Variants in FDX1 observed in about 807,000 individuals in gnomAD.
FDX1 encodes the protein adrenodoxin, mitochondrial.
FDX1 carries 9 observed loss-of-function variants against 14.9 expected under a neutral mutation model. That is an observed-to-expected ratio of 0.60 (90% CI 0.36 to 1.05). FDX1 has a LOEUF of 1.05. FDX1 is among the 50% of genes least tolerant of loss of function. The probability of loss-of-function intolerance (pLI) is 0.01; values close to 1 mark genes in which losing one functional copy is unlikely to be tolerated. For missense variants in FDX1, 204 were observed against 237.2 expected (o/e 0.86, Z 0.92); for synonymous variants, 92 against 99.4 (o/e 0.93, Z 0.44).
chr11:110,446,342 G>A (rs372216611), intron 2 of FDX1, among the ~76,000 whole-genome samples: 29 of 152,276 alleles, frequency 1.9e-4, no homozygotes, highest in African/African-American at 6.0e-4. Context: ...GATGAACACC[G>A]TACTCCAAAC....
intron 1 of FDX1, among the ~76,000 whole-genome samples, chr11:110,432,786 G>A (rs998487804): frequency 6.6e-6 from 1 of 152,140 alleles, no homozygotes; most frequent in Admixed American, 6.5e-5. Context: ...TACATCTTCT[G>A]ACTCTTAGGT....
At chr11:110,444,685 C>T (rs781269032) in intron 2 of FDX1, among the ~76,000 whole-genome samples, 1,304 of 36,300 alleles carry the variant, frequency 0.036, 49 homozygotes, top group African/African-American at 0.1. Context: ...TATATATATA[C>T]ACGTATATAT....
At chr11:110,457,107 T>C (rs1474456062) in intron 3 of FDX1, 60 bp downstream of exon 3, 1 of 1,499,568 alleles carries the variant, frequency 6.7e-7, no homozygotes, top group Non-Finnish European at 9.2e-7. Flanking sequence ...TGTTGTATTA[T>C]GTTGTCTATG....
chr11:110,457,019 C>G lies in FDX1; in HGVS notation c.412C>G (p.Leu138Val). The change falls in exon 3 of 4, where the codon CTC becomes GTC. Residue 138 changes from leucine to valine, a missense_variant. Transcript: ENST00000260270. ...AATCACTGATGAGGAGAATGACATG[C>G]TCGATCTGGCATATGGACTAACAGA... ...DAITDEENDM[L>V]DLAYGLTDRS... The G allele has an allele frequency of 6.2e-7, 1 of 1,613,164 alleles. No homozygotes were observed. Among genetic ancestry groups the G allele is most frequent in the Non-Finnish European group, 8.5e-7 (1 of 1,179,338 alleles).
intron 2 of FDX1, among the ~76,000 whole-genome samples, chr11:110,443,999 C>T (rs1946422097): frequency 6.6e-6 from 1 of 151,654 alleles, no homozygotes; most frequent in Admixed American, 6.6e-5. Flanking sequence ...ATATTTTCTC[C>T]CACTCTGTAG....
intron 2 of FDX1, among the ~76,000 whole-genome samples, chr11:110,437,113 C>T (rs577747865): frequency 1.3e-5 from 2 of 152,226 alleles, no homozygotes; most frequent in South Asian, 2.1e-4. Flanking sequence ...CTCCTGACTC[C>T]GCCTCCTGAG....
chr11:110,434,327 C>G (rs1165370631), intron 1 of FDX1, among the ~76,000 whole-genome samples: 1 of 128,596 alleles, frequency 7.8e-6, no homozygotes, highest in Admixed American at 8.4e-5. Flanking sequence ...AAGCAATCGC[C>G]CTATTGATTT....
rs188080407 is a variant in FDX1, at chr11:110,440,323, T to G, written c.310+4365T>G. 3.3e-5 allele frequency among the ~76,000 whole-genome samples: 5 copies of G among 152,298 alleles called. No individual in the cohort carries two copies. The East Asian group carries it at 9.6e-4, about 29-fold the overall frequency. On this transcript the variant is annotated intron_variant, in intron 2 of 3. Transcript: ENST00000260270. ...TCTTCTGCTAGCTTTGGGTTTTTTG[T>G]TTTTCAAGTTCTTCTAGGTTAATTT...
intron 2 of FDX1, among the ~76,000 whole-genome samples, chr11:110,447,123 C>T (rs1028151374): frequency 2.0e-5 from 3 of 147,390 alleles, no homozygotes; most frequent in African/African-American, 5.0e-5. Flanking sequence ...TTGCAGTGAG[C>T]TGAGATTGCA....
At chr11:110,436,995 A>G (rs2134568763) in intron 2 of FDX1, among the ~76,000 whole-genome samples, 1 of 152,182 alleles carries the variant, frequency 6.6e-6, no homozygotes, top group East Asian at 1.9e-4. Context: ...TTTGCTGAAT[A>G]TCTTTTTAAA....
Position 110,430,188 on chromosome 11 carries a change from G to A in FDX1, c.68G>A (p.Arg23Gln), listed in dbSNP as rs986401811. The change falls in exon 1 of 4, where the codon CGG becomes CAG. Residue 23 changes from arginine to glutamine, a missense_variant. Arg to Gln is a conservative substitution (Grantham distance 43). Coordinates refer to ENST00000260270, the MANE Select transcript of FDX1 (RefSeq NM_004109.5). ...GCTGTCCTCGGCGGCCCGGCCGGCC[G>A]GTGGCTGCACCACGCTGGGTCCCGC... ...ASAVLGGPAG[R>Q]WLHHAGSRAG... 1 of 1,230,068 alleles carries A rather than the reference G, an allele frequency of 8.1e-7. No homozygotes were observed. The highest frequency in any genetic ancestry group is 1.0e-6 in the Non-Finnish European group (1 of 988,630). The allele number at this position is 1,230,068 out of a possible 1,614,324, so 76.2% of individuals were successfully genotyped here.
intron 1 of FDX1, among the ~76,000 whole-genome samples, chr11:110,433,434 G>T (rs1046638548): frequency 2.0e-5 from 3 of 152,162 alleles, no homozygotes; most frequent in Non-Finnish European, 4.4e-5. Flanking sequence ...AAATCCCAAT[G>T]TTTTTCTTTC....
chr11:110,450,688 A>G (rs145648195), intron 2 of FDX1, among the ~76,000 whole-genome samples: 3 of 152,326 alleles, frequency 2.0e-5, no homozygotes, highest in Non-Finnish European at 4.4e-5. Flanking sequence ...CCACTTTTCT[A>G]TTTTGTTTCT....
intron 2 of FDX1, 122 bp from the exon 3 acceptor site, chr11:110,456,796 A>T: frequency 9.6e-7 from 1 of 1,037,056 alleles, no homozygotes. Flanking sequence ...GGTGTGAGCC[A>T]CTGTGCCCGG....
In FDX1 at chr11:110,438,332, T is replaced by G. The variant is rs553863346; in HGVS notation, c.310+2374T>G. Among the ~76,000 whole-genome samples, 5 of 152,342 alleles carry G rather than the reference T, an allele frequency of 3.3e-5. No individual in the cohort carries two copies. In the East Asian group the frequency reaches 9.6e-4, roughly 29 times the overall value. Reference sequence around the variant, plus strand: ...TTTTAATGATATTCTTTATGACTGGTGCAAGATGGTATCTCATTGTGGTTT... The same window carrying G: ...TTTTAATGATATTCTTTATGACTGGGGCAAGATGGTATCTCATTGTGGTTT... On this transcript the variant is annotated intron_variant, in intron 2 of 3. Transcript: ENST00000260270.
chr11:110,454,465 A>G (rs1471018077), intron 2 of FDX1, among the ~76,000 whole-genome samples: 1 of 152,210 alleles, frequency 6.6e-6, no homozygotes, highest in Non-Finnish European at 1.5e-5. Flanking sequence ...AACTTACATT[A>G]TTGTATGGCG....
chr11:110,443,916 T>G (rs541064734), intron 2 of FDX1, among the ~76,000 whole-genome samples: 4 of 152,184 alleles, frequency 2.6e-5, no homozygotes, highest in African/African-American at 9.6e-5. Context: ...TTAATGAGGT[T>G]GTTTTTTGCT....
At chr11:110,458,953 G>A (rs890053475) in intron 3 of FDX1, among the ~76,000 whole-genome samples, 1 of 152,134 alleles carries the variant, frequency 6.6e-6, no homozygotes, top group Non-Finnish European at 1.5e-5. Context: ...TGGATGGATG[G>A]ATGATACATG....
At chr11:110,430,832 C>T (rs1404683687) in intron 1 of FDX1, among the ~76,000 whole-genome samples, 1 of 152,226 alleles carries the variant, frequency 6.6e-6, no homozygotes, top group Admixed American at 6.5e-5. Context: ...CCCATACCCT[C>T]TGCTGCCCTG....
Sources: allele counts gnomAD v4.1 joint callset (sites outside exome capture counted in the v4.1 genomes callset), GRCh38; gene constraint gnomAD v4.1.1; transcripts MANE v1.5; gene names NCBI Gene and HGNC (gene_info 2026-07-23, HGNC 2026-07-21).